MYO10: variants seen among roughly 807,000 people sequenced by gnomAD.
MYO10 encodes the protein myosin X, also known as unconventional myosin-X.
In MYO10, 133 loss-of-function variants were observed where a neutral mutation model predicts 257.3. The observed-to-expected ratio is 0.52, with a 90% CI of 0.45 to 0.60. The LOEUF (loss-of-function observed/expected upper bound fraction) is 0.60. MYO10 is among the 20% of genes least tolerant of loss of function. The pLI, the probability that MYO10 is intolerant of heterozygous loss-of-function variation, is 0.00. For missense variants in MYO10, 2,399 were observed against 2,635.7 expected, an observed-to-expected ratio of 0.91 and a Z score of 1.97; for synonymous variants, 1,104 against 1,028.6, an observed-to-expected ratio of 1.07 and a Z score of -1.40.
chr5:16,821,051 A>G (rs938191121), intron 2 of MYO10, among the ~76,000 whole-genome samples: 1 of 147,522 alleles, frequency 6.8e-6, no homozygotes, highest in African/African-American at 2.5e-5. Flanking sequence ...ATATACATAT[A>G]TGTATAATAT....
chr5:16,880,649 A>T (rs1364232897), intron 1 of MYO10, among the ~76,000 whole-genome samples: 2 of 152,222 alleles, frequency 1.3e-5, no homozygotes, highest in Non-Finnish European at 2.9e-5. Flanking sequence ...TGTAAAGAAC[A>T]CACAGCACCA....
chr5:16,918,763 A>G (rs1470536166), intron 1 of MYO10, among the ~76,000 whole-genome samples: 2 of 152,076 alleles, frequency 1.3e-5, no homozygotes, highest in Non-Finnish European at 2.9e-5. Flanking sequence ...AGCCTCCCAA[A>G]GTACTGGGAT....
intron 19 of MYO10, among the ~76,000 whole-genome samples, chr5:16,726,252 C>T (rs1214234361): frequency 6.6e-6 from 1 of 152,150 alleles, no homozygotes; most frequent in African/African-American, 2.4e-5. Flanking sequence ...CATTCTGGCA[C>T]ATAGGTTGGT....
chr5:16,833,709 C>T (rs999123590), intron 2 of MYO10, among the ~76,000 whole-genome samples: 2 of 152,174 alleles, frequency 1.3e-5, no homozygotes, highest in African/African-American at 4.8e-5. Context: ...CTGCACCTCA[C>T]TGGCTGAGCA....
intron 36 of MYO10, 108 bp from the exon 37 acceptor site, chr5:16,672,933 T>A (rs1736540787): frequency 1.6e-6 from 2 of 1,273,116 alleles, no homozygotes; most frequent in African/African-American, 1.5e-5. Context: ...CACAAGGGCG[T>A]CTCCAGCCTC....
At chr5:16,772,992 T>C (rs1741100259) in intron 9 of MYO10, among the ~76,000 whole-genome samples, 1 of 152,142 alleles carries the variant, frequency 6.6e-6, no homozygotes, top group African/African-American at 2.4e-5. Context: ...TTGATCACAG[T>C]TGTGGATAAA....
chr5:16,918,911 T>A (rs1184603345), intron 1 of MYO10, among the ~76,000 whole-genome samples: 2 of 152,240 alleles, frequency 1.3e-5, no homozygotes. Flanking sequence ...AGAAGGTCTA[T>A]GTTTCTGCTT....
At position 16,936,020 on chromosome 5, in the gene MYO10, G is replaced by T; in HGVS notation, c.-212C>A. 1.7e-6 allele frequency: 1 copy of T among 602,782 alleles called. No homozygotes were observed. 37.3% of individuals were successfully genotyped at this position (602,782 alleles called of 1,614,324 possible). A position where few individuals can be genotyped will look rare whatever the true frequency, so the allele number is the denominator to read the frequency against. On this transcript the variant is annotated 5_prime_UTR_variant, in exon 1 of 41. The change creates a new upstream start codon in the 5' untranslated region. Coordinates refer to ENST00000513610, the MANE Select transcript of MYO10 (RefSeq NM_012334.3). ...CCCTAACTCGCCCGTCCCGACGGCA[G>T]CCTTTGTCTCTTCTTCCTCCAAGTT...
At chr5:16,893,648 A>AAAAAG (rs1554006834) in intron 1 of MYO10, among the ~76,000 whole-genome samples, 34 of 146,802 alleles carry the variant, frequency 2.3e-4, no homozygotes, top group African/African-American at 7.6e-4. Context: ...AAAAAAAAAA[A>AAAAAG]AAAAGAAAAT....
rs140119781 is a variant in MYO10, at chr5:16,759,970, A to G, written c.1739+1494T>C. ...GTCCCAATTCATTCCTATCTAAGTG[A>G]CAGGTGGCCATCTAGTATTTACATT... On this transcript the variant is annotated intron_variant, in intron 17 of 40. Transcript: ENST00000513610. 5.3e-5 allele frequency among the ~76,000 whole-genome samples: 8 copies of G among 152,166 alleles called. No homozygotes were observed. The East Asian group carries it at 1.4e-3, about 26-fold the overall frequency.
chr5:16,709,097 G>C (rs1738476149), intron 21 of MYO10, among the ~76,000 whole-genome samples: 1 of 152,178 alleles, frequency 6.6e-6, no homozygotes, highest in Non-Finnish European at 1.5e-5. Context: ...CAAGACAACA[G>C]GACAGCATAT....
At position 16,692,354 on chromosome 5, in the gene MYO10, A is replaced by G. The variant is rs532454098; in HGVS notation, c.3800+2017T>C. On this transcript the variant is annotated intron_variant, in intron 27 of 40. Coordinates refer to ENST00000513610, the MANE Select transcript of MYO10 (RefSeq NM_012334.3). ...AGAATCGCTTGAACCAGGGAGGCAG[A>G]GGTTGCAGTGAGCCAAGGTTGTGCC... 3.9e-5 allele frequency among the ~76,000 whole-genome samples: 6 copies of G among 152,298 alleles called. No individual in the cohort carries two copies. In the South Asian group the frequency reaches 1.0e-3, roughly 26 times the overall value.
Position 16,680,119 on chromosome 5 carries a change from G to A in MYO10, c.4385-15C>T, listed in dbSNP as rs1447396902. 7 of 1,603,756 alleles carry A rather than the reference G, an allele frequency of 4.4e-6. No individual in the cohort carries two copies. Among genetic ancestry groups the A allele is most frequent in the African/African-American group, 1.3e-5 (1 of 74,860 alleles). Reference sequence around the variant, plus strand: ...GTTCCAGTAGCCTGCAATGGCAGGGGTGCCCAGCACACGCACGTCAACGCC... The same window carrying A: ...GTTCCAGTAGCCTGCAATGGCAGGGATGCCCAGCACACGCACGTCAACGCC... On this transcript the variant is annotated splice_polypyrimidine_tract_variant and intron_variant, in intron 32 of 40. Transcript: ENST00000513610.
At chr5:16,761,941 G>C in intron 16 of MYO10, 104 bp downstream of exon 16, 1 of 1,221,812 alleles carries the variant, frequency 8.2e-7, no homozygotes, top group Non-Finnish European at 1.1e-6. Context: ...GCTCATGTGA[G>C]CCACCATGCC....
intron 19 of MYO10, among the ~76,000 whole-genome samples, chr5:16,725,847 G>T (rs1252246116): frequency 6.6e-6 from 1 of 150,920 alleles, no homozygotes; most frequent in African/African-American, 2.4e-5. Context: ...GAGTGCAGTG[G>T]CGTGATCTTG....
At chr5:16,913,327 G>C (rs1745725467) in intron 1 of MYO10, among the ~76,000 whole-genome samples, 1 of 152,166 alleles carries the variant, frequency 6.6e-6, no homozygotes, top group Admixed American at 6.5e-5. Context: ...AAAGCACAGA[G>C]ATGCATAGTT....
chr5:16,897,737 G>A (rs887538961), intron 1 of MYO10, among the ~76,000 whole-genome samples: 1 of 152,172 alleles, frequency 6.6e-6, no homozygotes, highest in Non-Finnish European at 1.5e-5. Flanking sequence ...CGGGTGTGCC[G>A]TCATGGGCTA....
At chr5:16,920,203 G>A (rs1386931488) in intron 1 of MYO10, among the ~76,000 whole-genome samples, 2 of 152,192 alleles carry the variant, frequency 1.3e-5, no homozygotes, top group Non-Finnish European at 2.9e-5. Flanking sequence ...GAACCCGGGA[G>A]GCAGAGACTG....
Position 16,682,012 on chromosome 5 carries a change from G to C in MYO10, c.4048C>G (p.Pro1350Ala). ...SVCASDSPDR[P>A]NSFVIITANR... The stretch of plus-strand genomic sequence containing the variant: ...GCCGTGATGATCACAAACGAGTTGG[G>C]TCTGAGCCACAAGATGAGAAGGAAA... Residue 1350 changes from proline to alanine, a missense_variant and splice_region_variant, in exon 31 of 41, where the codon CCC becomes GCC. Coordinates refer to ENST00000513610, the MANE Select transcript of MYO10 (RefSeq NM_012334.3). 1 of 1,612,864 alleles carries C rather than the reference G, an allele frequency of 6.2e-7. No homozygotes were observed. The highest frequency in any genetic ancestry group is 8.5e-7 in the Non-Finnish European group (1 of 1,179,798).
Sources: allele counts gnomAD v4.1 joint callset (sites outside exome capture counted in the v4.1 genomes callset), GRCh38; gene constraint gnomAD v4.1.1; transcripts MANE v1.5; gene names NCBI Gene and HGNC (gene_info 2026-07-23, HGNC 2026-07-21).